The following KDM4C variants were observed in gnomAD, a reference collection of about 807,000 sequenced individuals.
KDM4C encodes the protein lysine demethylase 4C, also known as lysine-specific demethylase 4C.
A neutral mutation model predicts 129.3 loss-of-function variants in KDM4C; 81 were observed. The ratio of observed to expected loss-of-function variants is 0.63; its 90% CI spans 0.52 to 0.75. The LOEUF (loss-of-function observed/expected upper bound fraction) is 0.75. Among genes scored for constraint, KDM4C ranks in the 30% least tolerant of loss-of-function variants. The probability of loss-of-function intolerance (pLI) is 0.00; values close to 1 mark genes in which losing one functional copy is unlikely to be tolerated. For synonymous variants in KDM4C, 573 were observed against 456.1 expected, an observed-to-expected ratio of 1.26 and a Z score of -3.26; for missense variants, 1,457 against 1,304.0, an observed-to-expected ratio of 1.12 and a Z score of -1.81.
intron 8 of KDM4C, among the ~76,000 whole-genome samples, chr9:6,950,972 T>C (rs1382059222): frequency 6.6e-6 from 1 of 152,208 alleles, no homozygotes; most frequent in Non-Finnish European, 1.5e-5. Context: ...ACAGTACTTA[T>C]TCTTTGCCAT....
chr9:6,812,689 C>T (rs983507727), intron 3 of KDM4C, among the ~76,000 whole-genome samples: 2 of 152,122 alleles, frequency 1.3e-5, no homozygotes, highest in East Asian at 3.9e-4. Context: ...TAACAGGCCG[C>T]GGACCCCTAC....
intron 15 of KDM4C, among the ~76,000 whole-genome samples, chr9:7,025,618 AAC>A (rs59893797): frequency 0.063 from 9,542 of 152,294 alleles, 318 homozygotes; most frequent in Middle Eastern, 0.16. Context: ...CATAGGCAAA[AAC>A]ACACAGAGGC....
Position 6,946,476 on chromosome 9 carries a change from T to C in KDM4C, c.922-34449T>C, listed in dbSNP as rs573255686. On this transcript the variant is annotated intron_variant, in intron 8 of 21. Transcript: ENST00000381309. ...ACATATTTTTGGAGAGCATTACTTA[T>C]AGTTTTAAAACATTTCTTTTATTGT... is the stretch of plus-strand genomic sequence containing the variant. 5.6e-4 allele frequency among the ~76,000 whole-genome samples: 85 copies of C among 152,296 alleles called. 1 individual carries two copies. The highest frequency in any genetic ancestry group is 2.0e-3 in the African/African-American group (83 of 41,586).
chr9:7,096,180 A>T lies in KDM4C; in HGVS notation c.2425-7505A>T, dbSNP rs548965971. 2.1e-3 allele frequency among the ~76,000 whole-genome samples: 323 copies of T among 152,196 alleles called. 2 individuals are homozygous for T. Among genetic ancestry groups the T allele is most frequent in the African/African-American group, 7.4e-3 (306 of 41,534 alleles). On this transcript the variant is annotated intron_variant, in intron 17 of 21. Coordinates refer to ENST00000381309, the MANE Select transcript of KDM4C (RefSeq NM_015061.6). ...GAGAAATAAAAATGGTAAGTGATTG[A>T]TTTTTTTTCAACATACATAACAATT...
intron 17 of KDM4C, among the ~76,000 whole-genome samples, chr9:7,061,466 G>T (rs549272384): frequency 6.6e-6 from 1 of 152,328 alleles, no homozygotes; most frequent in African/African-American, 2.4e-5. Flanking sequence ...TTTAATAACG[G>T]GAGCTGAGCA....
rs1208593343 is a variant in KDM4C, at chr9:6,784,820, G to A, written c.-17-8152G>A. On this transcript the variant is annotated intron_variant, in intron 1 of 21. Coordinates refer to ENST00000381309, the MANE Select transcript of KDM4C (RefSeq NM_015061.6). ...GCTTTCTAAGCTGGGGCCCAGGCCT[G>A]GGGGGCCCTTTCAAGCCCTCTTGTG... Among the ~76,000 whole-genome samples the A allele has an allele frequency of 2.6e-5, 4 of 152,182 alleles. No individual in the cohort carries two copies. The East Asian group carries it at 7.7e-4, about 29-fold the overall frequency.
Position 7,013,816 on chromosome 9 carries a change from C to A in KDM4C, c.1997C>A (p.Ala666Asp). ...GATAGCAGCAATGAAGAAAATGATGCTAGATGGGAGACAAAATTAGATGAA... is the reference window on the plus strand; with the variant it reads ...GATAGCAGCAATGAAGAAAATGATGATAGATGGGAGACAAAATTAGATGAA... ...KPDSSNEENDARWETKLDEVV... is the reference protein window; with the variant it reads ...KPDSSNEENDDRWETKLDEVV... Residue 666 changes from alanine to aspartate, a missense_variant, in exon 14 of 22, where the codon GCT (alanine) becomes GAT (aspartate). Physicochemically the swap from Ala to Asp is moderately radical, Grantham distance 126. Transcript: ENST00000381309. The A allele has an allele frequency of 7.4e-6, 12 of 1,613,836 alleles. No homozygotes were observed. The highest frequency in any genetic ancestry group is 1.0e-5 in the Non-Finnish European group (12 of 1,179,858).
At chr9:6,748,051 G>A (rs1476878447) in intron 1 of KDM4C, among the ~76,000 whole-genome samples, 2 of 151,842 alleles carry the variant, frequency 1.3e-5, no homozygotes, top group African/African-American at 4.8e-5. Flanking sequence ...GGTGGCATGC[G>A]CCTATGAGGG....
rs187208447 is a variant in KDM4C, at chr9:6,766,070, A to G, written c.-18+7867A>G. ...TCCCAAAGTGCTGGGATTACAGGCA[A>G]TAGCCACTGTGCTTGGCAAAGTAAA... On this transcript the variant is annotated intron_variant, in intron 1 of 21. Transcript: ENST00000381309. 1.2e-3 allele frequency among the ~76,000 whole-genome samples: 177 copies of G among 152,318 alleles called. No homozygotes were observed. In the East Asian group the frequency reaches 0.025, roughly 22 times the overall value.
chr9:6,848,469 C>G (rs867904666), intron 4 of KDM4C, among the ~76,000 whole-genome samples: 3 of 152,016 alleles, frequency 2.0e-5, no homozygotes, highest in African/African-American at 7.2e-5. Flanking sequence ...GAGTTCGAGA[C>G]CAGCCTAGGC....
At chr9:6,981,575 T>C (rs1589439305) in intron 9 of KDM4C, among the ~76,000 whole-genome samples, 1 of 152,220 alleles carries the variant, frequency 6.6e-6, no homozygotes, top group Non-Finnish European at 1.5e-5. Context: ...ATGCACATGG[T>C]TTTATTCTTT....
At chr9:6,787,036 G>A (rs1415119463) in intron 1 of KDM4C, among the ~76,000 whole-genome samples, 1 of 152,114 alleles carries the variant, frequency 6.6e-6, no homozygotes, top group Non-Finnish European at 1.5e-5. Flanking sequence ...AGCTATCTAG[G>A]TCTTTAATCT....
intron 20 of KDM4C, among the ~76,000 whole-genome samples, chr9:7,166,573 T>C (rs889749085): frequency 6.6e-6 from 1 of 152,152 alleles, no homozygotes; most frequent in African/African-American, 2.4e-5. Context: ...TTCATTGCAT[T>C]AGAATGACCA....
At chr9:6,730,426 T>C (rs1170842084) in intron 1 of KDM4C, among the ~76,000 whole-genome samples, 1 of 151,600 alleles carries the variant, frequency 6.6e-6, no homozygotes, top group Non-Finnish European at 1.5e-5. Flanking sequence ...CCATCCTGGC[T>C]AACATGGTGA....
At chr9:7,007,138 C>T (rs761318393) in intron 12 of KDM4C, among the ~76,000 whole-genome samples, 2 of 152,216 alleles carry the variant, frequency 1.3e-5, no homozygotes, top group Non-Finnish European at 2.9e-5. Flanking sequence ...CTTTTAGCCA[C>T]TGCTTATGTT....
In KDM4C at chr9:6,893,230, T is replaced by G; in HGVS notation, c.919T>G (p.Leu307Val). The change falls in exon 8 of 22, where the codon TTG becomes GTG. Residue 307 changes from leucine (L) to valine (V), a missense_variant and splice_region_variant. Leu to Val is a conservative substitution (Grantham distance 32). Transcript: ENST00000381309. Reference sequence around the variant, plus strand: ...GATTGACTATGGAAAAGTTGCCAAATTGGTAAGCTATGCCTCAAAAATAAA... The same window carrying G: ...GATTGACTATGGAAAAGTTGCCAAAGTGGTAAGCTATGCCTCAAAAATAAA... Reference protein sequence around the residue: ...RWIDYGKVAKLCTCRKDMVKI... With the variant: ...RWIDYGKVAKVCTCRKDMVKI... The G allele has an allele frequency of 6.2e-7, 1 of 1,608,416 alleles. No individual in the cohort carries two copies. Among genetic ancestry groups the G allele is most frequent in the East Asian group, 2.2e-5 (1 of 44,494 alleles).
At chr9:7,115,877 T>C (rs1032458097) in intron 18 of KDM4C, among the ~76,000 whole-genome samples, 11 of 152,232 alleles carry the variant, frequency 7.2e-5, no homozygotes, top group Middle Eastern at 3.2e-3. Context: ...TGCACATTTC[T>C]CACATACAAG....
At chr9:6,890,417 T>C (rs1845949710) in intron 7 of KDM4C, among the ~76,000 whole-genome samples, 1 of 152,220 alleles carries the variant, frequency 6.6e-6, no homozygotes, top group African/African-American at 2.4e-5. Flanking sequence ...TAATAATGTC[T>C]CAGTTGGAAT....
intron 12 of KDM4C, among the ~76,000 whole-genome samples, chr9:7,003,323 A>G (rs553609414): frequency 7.2e-4 from 109 of 152,258 alleles, no homozygotes; most frequent in African/African-American, 2.6e-3. Flanking sequence ...GTGTTATAAA[A>G]TATATATAAA....
Sources: gnomAD v4.1 joint callset for allele counts (sites outside exome capture counted in the v4.1 genomes callset) on GRCh38, gnomAD v4.1.1 for gene constraint, MANE v1.5 for transcripts, NCBI Gene and HGNC (gene_info 2026-07-23, HGNC 2026-07-21) for gene names.